KIAA1328: variants seen among roughly 807,000 people sequenced by gnomAD.
The protein encoded by KIAA1328 is KIAA1328.
Under a neutral mutation model 68.1 loss-of-function variants are expected in KIAA1328, and 52 were observed. The ratio of observed to expected loss-of-function variants is 0.76; its 90% confidence interval spans 0.61 to 0.96. The LOEUF is 0.96. Among genes scored for constraint, KIAA1328 ranks in the 40% least tolerant of loss-of-function variants. The probability of loss-of-function intolerance (pLI) is 0.00; values close to 1 mark genes in which losing one functional copy is unlikely to be tolerated. For synonymous variants in KIAA1328, 232 were observed against 239.4 expected (o/e 0.97, Z 0.28); for missense variants, 641 against 677.6 (o/e 0.95, Z 0.60).
chr18:37,206,682 T>C (rs969111988), intron 9 of KIAA1328, among the ~76,000 whole-genome samples: 25 of 152,192 alleles, frequency 1.6e-4, no homozygotes, highest in Non-Finnish European at 2.9e-5. Flanking sequence ...TGTTTTCTTC[T>C]TTCTGAATAG....
At chr18:37,188,909 T>G (rs1311171924) in intron 9 of KIAA1328, among the ~76,000 whole-genome samples, 1 of 152,232 alleles carries the variant, frequency 6.6e-6, no homozygotes, top group Non-Finnish European at 1.5e-5. Context: ...CTTCACATTC[T>G]TTTATGCTCT....
intron 3 of KIAA1328, among the ~76,000 whole-genome samples, chr18:36,841,798 T>TA (rs1406492483): frequency 1.3e-5 from 2 of 152,240 alleles, no homozygotes; most frequent in Non-Finnish European, 2.9e-5. Flanking sequence ...AGCCCTGTCC[T>TA]ACAGTGTAAA....
chr18:37,162,517 G>A (rs1053310348), intron 8 of KIAA1328, among the ~76,000 whole-genome samples: 1 of 152,092 alleles, frequency 6.6e-6, no homozygotes, highest in African/African-American at 2.4e-5. Context: ...TTATAGTACA[G>A]GGCAAAGTTA....
chr18:37,083,600 T>C (rs1449818842), intron 7 of KIAA1328, among the ~76,000 whole-genome samples: 2 of 152,184 alleles, frequency 1.3e-5, no homozygotes, highest in Non-Finnish European at 2.9e-5. Flanking sequence ...AAGTAAGCAT[T>C]GATGGATACA....
intron 3 of KIAA1328, among the ~76,000 whole-genome samples, chr18:36,841,372 T>C (rs557446821): frequency 6.6e-6 from 1 of 151,510 alleles, no homozygotes; most frequent in East Asian, 2.0e-4. Flanking sequence ...ATAGATGGTG[T>C]TGGGCCCATA....
At chr18:36,865,274 T>G (rs2150906169) in intron 4 of KIAA1328, among the ~76,000 whole-genome samples, 1 of 152,270 alleles carries the variant, frequency 6.6e-6, no homozygotes, top group Non-Finnish European at 1.5e-5. Context: ...TTTCATTCAA[T>G]TCTATGTATT....
chr18:37,024,020 A>G (rs1367777473), intron 6 of KIAA1328, among the ~76,000 whole-genome samples: 1 of 152,076 alleles, frequency 6.6e-6, no homozygotes, highest in East Asian at 1.9e-4. Flanking sequence ...TGTATGTGAC[A>G]AAGTCTTGGT....
chr18:36,943,198 G>A (rs2050774411), intron 5 of KIAA1328, among the ~76,000 whole-genome samples: 1 of 152,150 alleles, frequency 6.6e-6, no homozygotes, highest in Admixed American at 6.5e-5. Flanking sequence ...AATGATTGCT[G>A]TAATCCAACT....
At position 37,224,991 on chromosome 18, in the gene KIAA1328, C is replaced by T. The variant is rs1475600756; in HGVS notation, c.*2764C>T. 1.0e-6 allele frequency: 1 copy of T among 985,350 alleles called. No homozygotes were observed. The highest frequency in any genetic ancestry group is 1.7e-5 in the African/African-American group (1 of 57,240). 61.0% of individuals were successfully genotyped at this position (985,350 alleles called of 1,614,324 possible). On this transcript the variant is annotated 3_prime_UTR_variant, in exon 10 of 10. Coordinates refer to ENST00000280020, the MANE Select transcript of KIAA1328 (RefSeq NM_020776.3). ...AACAGTCCGCTTTCCAGGAGGCAAA[C>T]TTGTGTTTATCCAAACCTGATCCCC... is the stretch of plus-strand genomic sequence containing the variant.
chr18:37,223,894 A>G lies in KIAA1328; in HGVS notation c.*1667A>G. On this transcript the variant is annotated 3_prime_UTR_variant, in exon 10 of 10. Coordinates refer to ENST00000280020, the MANE Select transcript of KIAA1328 (RefSeq NM_020776.3). ...ATTATATTTTTCTTCTGAAATAAATATAAAGTCAAGACTAACTAGTTATAA... is the reference window on the plus strand; with the variant it reads ...ATTATATTTTTCTTCTGAAATAAATGTAAAGTCAAGACTAACTAGTTATAA... 2.0e-6 allele frequency: 2 copies of G among 982,278 alleles called. No homozygotes were observed. The highest frequency in any genetic ancestry group is 2.4e-6 in the Non-Finnish European group (2 of 827,046). The allele number at this position is 982,278 out of a possible 1,614,324, so 60.8% of individuals were successfully genotyped here.
chr18:37,221,619 G>C (rs2060565237), intron 9 of KIAA1328, among the ~76,000 whole-genome samples: 1 of 152,306 alleles, frequency 6.6e-6, no homozygotes, highest in South Asian at 2.1e-4. Flanking sequence ...GATGAGAGTA[G>C]TATAGTACCT....
chr18:37,142,113 A>G (rs533838945), intron 7 of KIAA1328, among the ~76,000 whole-genome samples: 15 of 152,350 alleles, frequency 9.8e-5, no homozygotes, highest in African/African-American at 3.4e-4. Flanking sequence ...TTTAACTTTT[A>G]CATTTAAGTC....
At chr18:37,165,772 T>C (rs1013047095) in intron 8 of KIAA1328, among the ~76,000 whole-genome samples, 1 of 151,774 alleles carries the variant, frequency 6.6e-6, no homozygotes, top group Non-Finnish European at 1.5e-5. Context: ...TTTGTATTTT[T>C]AGTAGCAACA....
intron 6 of KIAA1328, among the ~76,000 whole-genome samples, chr18:36,961,382 A>G (rs888450549): frequency 1.3e-5 from 2 of 152,216 alleles, no homozygotes; most frequent in Admixed American, 1.3e-4. Context: ...ACCAAGCTGG[A>G]AAACACTCTT....
intron 9 of KIAA1328, among the ~76,000 whole-genome samples, chr18:37,221,479 C>G (rs1328835004): frequency 6.6e-6 from 1 of 152,172 alleles, no homozygotes; most frequent in Non-Finnish European, 1.5e-5. Flanking sequence ...TTTCGACAGA[C>G]AGCTTTAGTG....
At chr18:37,096,692 A>G (rs577481809) in intron 7 of KIAA1328, among the ~76,000 whole-genome samples, 158 of 152,352 alleles carry the variant, frequency 1.0e-3, no homozygotes, top group Middle Eastern at 3.4e-3. Context: ...TCCCACCAAC[A>G]GTGTAAAAGT....
At chr18:36,954,717 G>A (rs1382180080) in intron 5 of KIAA1328, among the ~76,000 whole-genome samples, 1 of 148,628 alleles carries the variant, frequency 6.7e-6, no homozygotes, top group East Asian at 2.0e-4. Flanking sequence ...TTTTTGAGAC[G>A]GAGTTTTGGT....
At chr18:36,940,461 A>G (rs1190238747) in intron 5 of KIAA1328, among the ~76,000 whole-genome samples, 1 of 152,156 alleles carries the variant, frequency 6.6e-6, no homozygotes, top group East Asian at 1.9e-4. Flanking sequence ...ACTATTCATG[A>G]AGTGTACTTT....
intron 6 of KIAA1328, among the ~76,000 whole-genome samples, chr18:36,998,148 C>G (rs1215003880): frequency 6.6e-6 from 1 of 152,168 alleles, no homozygotes; most frequent in African/African-American, 2.4e-5. Context: ...GCGTCCCCCT[C>G]CAAGACAGAG....
Sources: gnomAD v4.1 joint callset for allele counts (sites outside exome capture counted in the v4.1 genomes callset) on GRCh38, gnomAD v4.1.1 for gene constraint, MANE v1.5 for transcripts, NCBI Gene and HGNC (gene_info 2026-07-23, HGNC 2026-07-21) for gene names.